Variants in FDX1 observed in about 807,000 individuals in gnomAD.
FDX1 encodes ferredoxin 1.
In FDX1, 9 loss-of-function variants were observed where a neutral mutation model predicts 14.9. The observed-to-expected ratio is 0.60, with a 90% CI of 0.36 to 1.05. The LOEUF (loss-of-function observed/expected upper bound fraction) is 1.05. Among genes scored for constraint, FDX1 ranks in the 50% least tolerant of loss-of-function variants. The probability of loss-of-function intolerance (pLI) is 0.01; values close to 1 mark genes in which losing one functional copy is unlikely to be tolerated. For missense variants in FDX1, 204 were observed against 237.2 expected, an observed-to-expected ratio of 0.86 and a Z score of 0.92; for synonymous variants, 92 against 99.4, an observed-to-expected ratio of 0.93 and a Z score of 0.44.
At chr11:110,453,227 C>G (rs1018646510) in intron 2 of FDX1, among the ~76,000 whole-genome samples, 1 of 152,144 alleles carries the variant, frequency 6.6e-6, no homozygotes, top group Non-Finnish European at 1.5e-5. Context: ...ATCTCAGCTA[C>G]TCCAGGAGGC....
chr11:110,438,815 T>G (rs1341146735), intron 2 of FDX1, among the ~76,000 whole-genome samples: 1 of 152,130 alleles, frequency 6.6e-6, no homozygotes, highest in African/African-American at 2.4e-5. Context: ...GTTGATCTGT[T>G]TAAGTTCCCT....
rs1413544619 is a variant in FDX1 at position 110,435,931 on chromosome 11, GA to G, written c.287del (p.Asn96IlefsTer3). On this transcript the variant is annotated frameshift_variant, in exon 2 of 4. Coordinates refer to ENST00000260270, the MANE Select transcript of FDX1 (RefSeq NM_004109.5). LOFTEE classifies it high-confidence loss of function. ...VGDSLLDVVV[E>X]NNLDIDGFGA... ...TGATTCTCTGCTAGATGTTGTGGTTGAAAATAATCTAGATATTGATGGCTTT... is the reference window on the plus strand; with the variant it reads ...TGATTCTCTGCTAGATGTTGTGGTTGAAATAATCTAGATATTGATGGCTTT... The G allele has an allele frequency of 6.2e-7, 1 of 1,612,152 alleles. No homozygotes were observed. The highest frequency in any genetic ancestry group is 1.7e-5 in the Admixed American group (1 of 59,890).
At chr11:110,440,464 T>C (rs568553855) in intron 2 of FDX1, among the ~76,000 whole-genome samples, 3 of 152,288 alleles carry the variant, frequency 2.0e-5, no homozygotes, top group South Asian at 2.1e-4. Flanking sequence ...TGTCTCTGCT[T>C]TTATTTATTT....
intron 3 of FDX1, among the ~76,000 whole-genome samples, chr11:110,461,496 T>TAAAAA (rs59467093): frequency 9.4e-6 from 1 of 106,370 alleles, no homozygotes; most frequent in African/African-American, 3.7e-5. Flanking sequence ...GACCCTGTCT[T>TAAAAA]AAAAAAAAAA....
chr11:110,439,614 T>C (rs1349000409), intron 2 of FDX1, among the ~76,000 whole-genome samples: 1 of 152,214 alleles, frequency 6.6e-6, no homozygotes, highest in African/African-American at 2.4e-5. Flanking sequence ...ATTGTGAATA[T>C]TTTTTCTCAT....
chr11:110,431,324 A>G (rs1946329740), intron 1 of FDX1, among the ~76,000 whole-genome samples: 1 of 152,228 alleles, frequency 6.6e-6, no homozygotes, highest in Non-Finnish European at 1.5e-5. Context: ...TATAATGCAG[A>G]TCTCTCGACA....
At chr11:110,438,715 C>T (rs1023876577) in intron 2 of FDX1, among the ~76,000 whole-genome samples, 38 of 152,328 alleles carry the variant, frequency 2.5e-4, no homozygotes, top group African/African-American at 7.7e-4. Context: ...GATCTGCCTA[C>T]TTCGGCCTCC....
chr11:110,439,175 G>T (rs554937821), intron 2 of FDX1, among the ~76,000 whole-genome samples: 2 of 152,050 alleles, frequency 1.3e-5, no homozygotes, highest in Non-Finnish European at 2.9e-5. Flanking sequence ...CAAGTACTGG[G>T]ATTACAGGTG....
chr11:110,444,822 T>G (rs1423368856), intron 2 of FDX1, among the ~76,000 whole-genome samples: 2 of 148,332 alleles, frequency 1.3e-5, no homozygotes, highest in African/African-American at 5.0e-5. Context: ...ATGGGATAGC[T>G]GTGCTCCACA....
In FDX1 at chr11:110,441,242, T is replaced by A. The variant is rs374840131; in HGVS notation, c.310+5284T>A. Reference sequence around the variant, plus strand: ...TGTCAGCAGTGTGAAAATGGACTAATAAAGCAAATTGGTACGAGGAGTAGG... The same window carrying A: ...TGTCAGCAGTGTGAAAATGGACTAAAAAAGCAAATTGGTACGAGGAGTAGG... On this transcript the variant is annotated intron_variant, in intron 2 of 3. Coordinates refer to ENST00000260270, the MANE Select transcript of FDX1 (RefSeq NM_004109.5). 3.3e-5 allele frequency among the ~76,000 whole-genome samples: 5 copies of A among 152,218 alleles called. No individual in the cohort carries two copies. In the East Asian group the frequency reaches 9.6e-4, roughly 29 times the overall value.
chr11:110,440,406 C>T (rs981104405), intron 2 of FDX1, among the ~76,000 whole-genome samples: 8 of 152,274 alleles, frequency 5.3e-5, no homozygotes, highest in African/African-American at 1.9e-4. Context: ...GTGCTCTAAA[C>T]TTCATCTTAG....
rs1309936549 is a variant in FDX1, at chr11:110,464,200, A to G, written c.*1732A>G. The G allele has an allele frequency of 6.6e-6, 1 of 152,220 alleles. No homozygotes were observed. Among genetic ancestry groups the G allele is most frequent in the African/African-American group, 2.4e-5 (1 of 41,440 alleles). The allele number at this position is 152,220 out of a possible 1,614,324, so 9.4% of individuals were successfully genotyped here. On this transcript the variant is annotated 3_prime_UTR_variant, in exon 4 of 4. Coordinates refer to ENST00000260270, the MANE Select transcript of FDX1 (RefSeq NM_004109.5). ...AATGCTGGGATTACAGATGTGAGCC[A>G]CCGTGCTTGGCCATAACTATTGAAT...
At chr11:110,444,579 G>A (rs886210307) in intron 2 of FDX1, among the ~76,000 whole-genome samples, 1 of 147,842 alleles carries the variant, frequency 6.8e-6, no homozygotes, top group Non-Finnish European at 1.5e-5. Context: ...TTGTGCCTCT[G>A]TACTCCACCC....
chr11:110,429,619 T>C (rs555153495), upstream of FDX1, among the ~76,000 whole-genome samples: 1 of 152,204 alleles, frequency 6.6e-6, no homozygotes, highest in Non-Finnish European at 1.5e-5. Context: ...TGTTTTACAG[T>C]GGGCAGAATT....
chr11:110,444,630 A>ATG (rs1397344464), intron 2 of FDX1, among the ~76,000 whole-genome samples: 2 of 98,462 alleles, frequency 2.0e-5, no homozygotes, highest in African/African-American at 9.7e-5. Context: ...AAAAGAAAAT[A>ATG]TATGTGTGTG....
intron 3 of FDX1, 107 bp from the exon 4 acceptor site, chr11:110,462,247 C>T: frequency 1.3e-5 from 7 of 539,742 alleles, no homozygotes; most frequent in East Asian, 3.0e-5. Context: ...TAATAAGTTC[C>T]CTGACTGCTT....
chr11:110,434,629 G>A lies in FDX1; in HGVS notation c.186-1205G>A, dbSNP rs1481222883. ...ATTACAGGCGTGAGTCACCATGCTC[G>A]GCCATGATTTGCTTTTTAGAAGCTC... On this transcript the variant is annotated intron_variant, in intron 1 of 3. Coordinates refer to ENST00000260270, the MANE Select transcript of FDX1 (RefSeq NM_004109.5). Among the ~76,000 whole-genome samples the A allele has an allele frequency of 2.0e-5, 3 of 151,824 alleles. No homozygotes were observed. In the East Asian group the frequency reaches 5.8e-4, roughly 29 times the overall value.
At chr11:110,461,128 TAACATA>T (rs1243119725) in intron 3 of FDX1, among the ~76,000 whole-genome samples, 1 of 152,194 alleles carries the variant, frequency 6.6e-6, no homozygotes, top group Non-Finnish European at 1.5e-5. Context: ...TCTTATCACT[TAACATA>T]TTTTCTGAAT....
chr11:110,457,316 C>G (rs969729593), intron 3 of FDX1, among the ~76,000 whole-genome samples: 1 of 152,094 alleles, frequency 6.6e-6, no homozygotes, highest in Non-Finnish European at 1.5e-5. Flanking sequence ...TCTTTTTACT[C>G]CAGGAACTAA....
Sources: allele counts gnomAD v4.1 joint callset (sites outside exome capture counted in the v4.1 genomes callset), GRCh38; gene constraint gnomAD v4.1.1; transcripts MANE v1.5; gene names NCBI Gene and HGNC (gene_info 2026-07-23, HGNC 2026-07-21).